The following RYR1 variants were observed in gnomAD, a reference collection of about 807,000 sequenced individuals.
The protein encoded by RYR1 is central core disease of muscle.
RYR1 carries 342 observed loss-of-function variants against 583.5 expected under a neutral mutation model. The observed-to-expected ratio is 0.59, with a 90% CI of 0.54 to 0.64. The LOEUF is 0.64. RYR1 is among the 30% of genes least tolerant of loss of function. The pLI is 0.00. For missense variants in RYR1, 6,032 were observed against 6,917.2 expected (o/e 0.87, Z 4.54); for synonymous variants, 2,791 against 2,822.5 (o/e 0.99, Z 0.35).
chr19:38,545,243 T>C (rs1972374563), intron 87 of RYR1, among the ~76,000 whole-genome samples: 1 of 152,018 alleles, frequency 6.6e-6, no homozygotes, highest in South Asian at 2.1e-4. Flanking sequence ...GACTGTGGGA[T>C]GGGGGACTCC....
At chr19:38,468,481 C>T (rs1323229357) in intron 25 of RYR1, among the ~76,000 whole-genome samples, 1 of 152,200 alleles carries the variant, frequency 6.6e-6, no homozygotes, top group African/African-American at 2.4e-5. Flanking sequence ...TTTGTTCTTT[C>T]TCTGTATCAA....
rs955904772 is a variant in RYR1, at chr19:38,433,737, C to T, written c.-93C>T. The T allele has an allele frequency of 1.0e-4, 79 of 753,966 alleles. No individual in the cohort carries two copies. The highest frequency in any genetic ancestry group is 1.9e-5 in the Non-Finnish European group (8 of 423,616). The allele number at this position is 753,966 out of a possible 1,614,324, so 46.7% of individuals were successfully genotyped here. ...GTGCCTCTGGTGTCTCCAGAGGTCT[C>T]CGACCCCAGCCCGCCCCCAGCCCTC... On this transcript the variant is annotated 5_prime_UTR_variant, in exon 1 of 106. Coordinates refer to ENST00000359596, the MANE Select transcript of RYR1 (RefSeq NM_000540.3).
intron 67 of RYR1, among the ~76,000 whole-genome samples, chr19:38,519,804 C>G (rs1971143056): frequency 1.3e-5 from 2 of 151,696 alleles, no homozygotes; most frequent in African/African-American, 4.8e-5. Context: ...TCAGCCTTCC[C>G]AGTAGCTAGG....
rs1424534372 is a variant in RYR1, at chr19:38,435,620, T to C, written c.45+1746T>C. Among the ~76,000 whole-genome samples the C allele has an allele frequency of 5.3e-5, 8 of 152,014 alleles. No homozygotes were observed. The East Asian group carries it at 1.6e-3, about 29-fold the overall frequency. On this transcript the variant is annotated intron_variant, in intron 1 of 105. Coordinates refer to ENST00000359596, the MANE Select transcript of RYR1 (RefSeq NM_000540.3). The stretch of plus-strand genomic sequence containing the variant: ...GCGTGGTGGTGCATGCCTGTAATCT[T>C]AGCTACTCGGGAGGCTGAAGTGGGA...
rs1974400239 is a variant in RYR1 at position 38,584,928 on chromosome 19, G to C, written c.14647-15G>C. On this transcript the variant is annotated splice_polypyrimidine_tract_variant and intron_variant, in intron 101 of 105. Transcript: ENST00000359596. ...TGTCGAATGAATGAGTGACCAGTGT[G>C]CTCCCCTCCCTCAGTGTTACCTGTT... 6.2e-7 allele frequency: 1 copy of C among 1,613,614 alleles called. No homozygotes were observed. Among genetic ancestry groups the C allele is most frequent in the Non-Finnish European group, 8.5e-7 (1 of 1,179,840 alleles).
Position 38,561,090 on chromosome 19 carries a change from C to T in RYR1, c.12283-23C>T. 6.3e-7 allele frequency: 1 copy of T among 1,584,728 alleles called. No individual in the cohort carries two copies. Among genetic ancestry groups the T allele is most frequent in the Non-Finnish European group, 8.7e-7 (1 of 1,153,396 alleles). ...AATTGAGGCTCTCCAGGTCACCCCA[C>T]TGACCTCCCTGCCCGCCCCCAGGCC... On this transcript the variant is annotated intron_variant, in intron 89 of 105. Coordinates refer to ENST00000359596, the MANE Select transcript of RYR1 (RefSeq NM_000540.3). This position sits in a 1 kb window ranked among gnomAD's most constrained non-coding sequence, Gnocchi z 4.8.
At chr19:38,570,062 G>T (rs1265582929) in intron 93 of RYR1, among the ~76,000 whole-genome samples, 1 of 152,158 alleles carries the variant, frequency 6.6e-6, no homozygotes. Flanking sequence ...TACTTAGGAG[G>T]CTGAGTCATG....
intron 20 of RYR1, among the ~76,000 whole-genome samples, chr19:38,462,019 C>T (rs901095071): frequency 1.3e-5 from 2 of 152,126 alleles, no homozygotes; most frequent in African/African-American, 4.8e-5. Flanking sequence ...CGCACCACTG[C>T]ACTCCAGCCT....
At chr19:38,528,048 G>A in intron 73 of RYR1, 1 of 617,990 alleles carries the variant, frequency 1.6e-6, no homozygotes. Context: ...GAGTTTGTGG[G>A]CAGGGCCTTG....
rs199765885 is a variant in RYR1 at position 38,519,368 on chromosome 19, G to A, written c.10173G>A (p.Glu3391=). Residue 3391 remains glutamate, a synonymous_variant, in exon 67 of 106, where the codon GAG becomes GAA. Transcript: ENST00000359596. ...CCAAGGCGGAGGCCCAGGAGGGCGA[G>A]CTGCTGGTGCGGGACGAGTTCTCTG... ...LEAKAEAQEG[E]LLVRDEFSVL... is the part of the protein sequence containing the mutation. 134 of 1,609,500 alleles carry A rather than the reference G, an allele frequency of 8.3e-5. No homozygotes were observed. Among genetic ancestry groups the A allele is most frequent in the Non-Finnish European group, 5.1e-6 (6 of 1,178,154 alleles).
intron 96 of RYR1, 57 bp from the exon 97 acceptor site, chr19:38,575,862 T>A: frequency 6.3e-7 from 1 of 1,590,128 alleles, no homozygotes; most frequent in Non-Finnish European, 8.6e-7. Flanking sequence ...GGCTGACAGC[T>A]CTGATCCCTC....
chr19:38,536,603 C>A (rs1046525979), intron 82 of RYR1, 147 bp from the exon 83 acceptor site: 1 of 900,670 alleles, frequency 1.1e-6, no homozygotes, highest in African/African-American at 1.7e-5. Context: ...TATCACTCTG[C>A]CTTTCTCTCT....
At position 38,525,247 on chromosome 19, in the gene RYR1, G is replaced by A. The variant is rs1971414210; in HGVS notation, c.10456-85G>A. 9.1e-6 allele frequency: 14 copies of A among 1,545,104 alleles called. No individual in the cohort carries two copies. In the South Asian group the frequency reaches 1.6e-4, roughly 17 times the overall value. ...GGGAGTGCCTGGTGTCCAGACTGGG[G>A]CCTGGGGTGTGGATGATGGCCGCGG... On this transcript the variant is annotated intron_variant, in intron 70 of 105. Transcript: ENST00000359596.
Position 38,485,895 on chromosome 19 carries a change from T to C in RYR1, c.5240T>C (p.Phe1747Ser). The C allele has an allele frequency of 6.8e-6, 11 of 1,613,698 alleles. No homozygotes were observed. Among genetic ancestry groups the C allele is most frequent in the Non-Finnish European group, 9.3e-6 (11 of 1,179,966 alleles). Residue 1747 changes from phenylalanine (F) to serine (S), a missense_variant, in exon 34 of 106, where the codon TTC (phenylalanine) becomes TCC (serine). Around this residue, in one of 11 missense-constraint regions of RYR1, gnomAD observed 2,627 missense variants for 2,961.3 expected, o/e 0.89. Transcript: ENST00000359596. ...LTPETRAITL[F>S]PPGRSTENGH... ...CCTGAGACCCGCGCCATCACGCTCT[T>C]CCCTCCTGGAAGGAGCACAGAAAAT...
At chr19:38,569,103 T>C (rs369307343) in intron 93 of RYR1, among the ~76,000 whole-genome samples, 40 of 152,024 alleles carry the variant, frequency 2.6e-4, no homozygotes, top group East Asian at 1.2e-3. Flanking sequence ...CTCTGACTCC[T>C]GGGTTCACGC....
intron 89 of RYR1, among the ~76,000 whole-genome samples, chr19:38,551,863 T>C (rs891711656): frequency 2.0e-5 from 3 of 152,212 alleles, no homozygotes; most frequent in Admixed American, 1.3e-4. Flanking sequence ...GAGCTCATAG[T>C]TACCATATTC....
intron 27 of RYR1, among the ~76,000 whole-genome samples, chr19:38,472,750 T>C (rs1385959220): frequency 6.7e-6 from 1 of 148,828 alleles, no homozygotes; most frequent in East Asian, 2.0e-4. Flanking sequence ...TGTTGGCTCA[T>C]GCTTGAATCC....
intron 73 of RYR1, chr19:38,528,082 G>T: frequency 1.6e-6 from 1 of 633,928 alleles, no homozygotes; most frequent in Non-Finnish European, 2.8e-6. Context: ...ATTGGTCGTG[G>T]CCTGGCTCGT....
chr19:38,443,511 A>T (rs1972791216), intron 3 of RYR1, 47 bp from the exon 4 acceptor site: 1 of 1,558,868 alleles, frequency 6.4e-7, no homozygotes. Flanking sequence ...GGGGATCTGG[A>T]GAGTCCGGGG....
Sources: gnomAD v4.1 joint callset for allele counts (sites outside exome capture counted in the v4.1 genomes callset) on GRCh38, gnomAD v4.1.1 for gene constraint, gnomAD v4.1.1 regional missense constraint, Gnocchi (gnomAD v3.1) non-coding constraint, MANE v1.5 for transcripts, NCBI Gene and HGNC (gene_info 2026-07-23, HGNC 2026-07-21) for gene names.